Variants in ZNF469 observed in about 807,000 individuals in gnomAD.
ZNF469 encodes the protein zinc finger protein 469.
In ZNF469, 1 loss-of-function variant was observed where a neutral mutation model predicts 1.0. The observed-to-expected ratio is 1.00, with a 90% CI of 0.35 to 4.73. ZNF469 has a LOEUF of 4.73. Ranked by LOEUF, ZNF469 falls within the 30% of genes most tolerant of loss-of-function variation. The pLI is 0.16. For missense variants in ZNF469, 6,100 were observed against 5,356.3 expected (o/e 1.14, Z -4.33); for synonymous variants, 2,703 against 2,363.4 (o/e 1.14, Z -4.17).
At chr16:88,297,027 CA>C in the ZNF469 span, among the ~76,000 whole-genome samples, 1 of 152,244 alleles carries the variant, frequency 6.6e-6, no homozygotes, top group South Asian at 2.1e-4. Context: ...CCTCGTCTCC[CA>C]AACGCTGGAA....
the ZNF469 span, among the ~76,000 whole-genome samples, chr16:88,319,377 G>A: frequency 2.1e-3 from 322 of 152,250 alleles, 1 homozygote; most frequent in Admixed American, 5.2e-3. Flanking sequence ...TTTCTTGGGC[G>A]GAGCCACACA....
At chr16:88,299,508 A>C in the ZNF469 span, among the ~76,000 whole-genome samples, 2 of 152,212 alleles carry the variant, frequency 1.3e-5, no homozygotes, top group East Asian at 3.9e-4. Flanking sequence ...GAAGGAGCAC[A>C]GCTTTGATGA....
At chr16:88,254,973 C>A in the ZNF469 span, among the ~76,000 whole-genome samples, 1 of 152,152 alleles carries the variant, frequency 6.6e-6, no homozygotes, top group Non-Finnish European at 1.5e-5. Context: ...TTATTTAGGT[C>A]TTATTTAATT....
chr16:88,256,891 TTTCCTTC>T, the ZNF469 span, among the ~76,000 whole-genome samples: 2 of 54,168 alleles, frequency 3.7e-5, 1 homozygote, highest in Non-Finnish European at 8.6e-5. Flanking sequence ...TTTTCTTTTC[TTTCCTTC>T]TTTCTTTCTT....
At chr16:88,410,945 C>T (rs1905143523) in intron 1 of ZNF469, among the ~76,000 whole-genome samples, 1 of 152,156 alleles carries the variant, frequency 6.6e-6, no homozygotes. Context: ...GCATTCCTGG[C>T]TCGTGGCCGC....
the ZNF469 span, among the ~76,000 whole-genome samples, chr16:88,203,421 C>T: frequency 6.6e-6 from 1 of 152,158 alleles, no homozygotes; most frequent in African/African-American, 2.4e-5. Flanking sequence ...CTCCTGCTCC[C>T]ACAGCAGCCC....
the ZNF469 span, among the ~76,000 whole-genome samples, chr16:88,117,578 C>T: frequency 1.3e-5 from 2 of 151,850 alleles, no homozygotes; most frequent in Non-Finnish European, 2.9e-5. Context: ...CTTCACGGAC[C>T]GTGGAGGTGC....
chr16:88,142,083 C>T, the ZNF469 span, among the ~76,000 whole-genome samples: 86 of 152,216 alleles, frequency 5.6e-4, no homozygotes, highest in Non-Finnish European at 1.0e-3. Flanking sequence ...TAGTCCACAG[C>T]GGCCAGGATC....
the ZNF469 span, among the ~76,000 whole-genome samples, chr16:88,202,116 G>C: frequency 6.6e-6 from 1 of 152,290 alleles, no homozygotes; most frequent in East Asian, 1.9e-4. Flanking sequence ...TGGAATGCCA[G>C]GTTCAGCGTC....
chr16:88,180,040 AAAT>A, the ZNF469 span, among the ~76,000 whole-genome samples: 2 of 152,366 alleles, frequency 1.3e-5, no homozygotes, highest in Admixed American at 6.5e-5. Flanking sequence ...AGATAAAATG[AAAT>A]AATAAAAAAT....
the ZNF469 span, among the ~76,000 whole-genome samples, chr16:88,340,854 C>G: frequency 6.6e-6 from 1 of 152,200 alleles, no homozygotes; most frequent in South Asian, 2.1e-4. Flanking sequence ...CCTGAGGGAC[C>G]GTGAGAGGAC....
chr16:88,385,289 C>T (rs2092534567), intron 1 of ZNF469, among the ~76,000 whole-genome samples: 1 of 152,062 alleles, frequency 6.6e-6, no homozygotes, highest in South Asian at 2.1e-4. Flanking sequence ...TCATCTGGAG[C>T]CCAGATGGTT....
At chr16:88,359,308 G>A in the ZNF469 span, among the ~76,000 whole-genome samples, 12 of 152,024 alleles carry the variant, frequency 7.9e-5, no homozygotes, top group Admixed American at 6.5e-4. Context: ...CCGGGGGCTC[G>A]GTATCCTGCC....
chr16:88,371,009 C>G, the ZNF469 span, among the ~76,000 whole-genome samples: 12 of 152,364 alleles, frequency 7.9e-5, no homozygotes, highest in African/African-American at 2.9e-4. Flanking sequence ...GCAAGTCAAC[C>G]ATTAGACCAT....
the ZNF469 span, among the ~76,000 whole-genome samples, chr16:88,268,785 G>A: frequency 2.0e-5 from 3 of 152,152 alleles, no homozygotes; most frequent in Non-Finnish European, 4.4e-5. Flanking sequence ...CTGGGAGGGT[G>A]CCCCAGACAC....
chr16:88,364,489 CAAAAAAAAAA>C, the ZNF469 span, among the ~76,000 whole-genome samples: 3 of 56,142 alleles, frequency 5.3e-5, no homozygotes, highest in African/African-American at 1.2e-4. Flanking sequence ...TGTTGATTTC[CAAAAAAAAAA>C]AAAAAAAAAA....
Position 88,438,016 on chromosome 16 carries a change from G to T in ZNF469, c.10546G>T (p.Ala3516Ser), listed in dbSNP as rs1906723871. The change falls in exon 3 of 3, where the codon GCT (alanine) becomes TCT (serine). Residue 3516 changes from alanine (A) to serine (S), a missense_variant. Transcript: ENST00000565624. ...CCTGCTCCACCTGTGTTCGGAGGTG[G>T]CTCCCAGCACCACCAAGGGATGGCC... Reference protein sequence around the residue: ...PALLHLCSEVAPSTTKGWPET... With the variant: ...PALLHLCSEVSPSTTKGWPET... 1.9e-6 allele frequency: 3 copies of T among 1,549,506 alleles called. No individual in the cohort carries two copies. Among genetic ancestry groups the T allele is most frequent in the Non-Finnish European group, 2.6e-6 (3 of 1,146,932 alleles).
chr16:88,387,974 C>G (rs568440650), intron 1 of ZNF469, among the ~76,000 whole-genome samples: 1 of 152,272 alleles, frequency 6.6e-6, no homozygotes, highest in Non-Finnish European at 1.5e-5. Context: ...TCACCCAGCC[C>G]TCCCAGCCAC....
the ZNF469 span, among the ~76,000 whole-genome samples, chr16:88,125,071 G>A: frequency 6.6e-6 from 1 of 152,068 alleles, no homozygotes; most frequent in Non-Finnish European, 1.5e-5. Flanking sequence ...TGTGCTGTGA[G>A]GTGGGGTTCA....
Sources: allele counts gnomAD v4.1 joint callset (sites outside exome capture counted in the v4.1 genomes callset), GRCh38; gene constraint gnomAD v4.1.1; transcripts MANE v1.5; gene names NCBI Gene and HGNC (gene_info 2026-07-23, HGNC 2026-07-21).